CCDC88C: variants seen among roughly 807,000 people sequenced by gnomAD.
CCDC88C encodes the protein coiled-coil and HOOK domain protein 88C, also known as protein Daple.
CCDC88C carries 131 observed loss-of-function variants against 198.8 expected under a neutral mutation model. That is an observed-to-expected ratio of 0.66 (90% CI 0.57 to 0.76). CCDC88C has a LOEUF of 0.76. Among genes scored for constraint, CCDC88C ranks in the 30% least tolerant of loss-of-function variants. The pLI, the probability that CCDC88C is intolerant of heterozygous loss-of-function variation, is 0.00. For synonymous variants in CCDC88C, 1,166 were observed against 1,114.7 expected (o/e 1.05, Z -0.92); for missense variants, 2,553 against 2,631.6 (o/e 0.97, Z 0.65).
chr14:91,370,743 C>T (rs1894756519), intron 3 of CCDC88C, among the ~76,000 whole-genome samples: 1 of 152,124 alleles, frequency 6.6e-6, no homozygotes, highest in African/African-American at 2.4e-5. Flanking sequence ...GAAGGCGGGT[C>T]AGTAGGTGGA....
At chr14:91,376,615 G>A (rs1377573528) in intron 3 of CCDC88C, among the ~76,000 whole-genome samples, 5 of 152,216 alleles carry the variant, frequency 3.3e-5, no homozygotes. Flanking sequence ...CGGGAAGCCT[G>A]CAGCTGGGCA....
At chr14:91,384,203 G>A (rs1012469529) in intron 3 of CCDC88C, among the ~76,000 whole-genome samples, 1 of 152,008 alleles carries the variant, frequency 6.6e-6, no homozygotes, top group Non-Finnish European at 1.5e-5. Flanking sequence ...TTGGGAGGCT[G>A]AGGTGGGAGG....
chr14:91,291,737 T>A (rs1400058932), intron 23 of CCDC88C, among the ~76,000 whole-genome samples: 2 of 152,020 alleles, frequency 1.3e-5, no homozygotes, highest in Non-Finnish European at 2.9e-5. Context: ...AGATACCAGA[T>A]GCCCAGATGA....
chr14:91,389,191 G>T (rs1268408303), intron 3 of CCDC88C, among the ~76,000 whole-genome samples: 5 of 152,162 alleles, frequency 3.3e-5, no homozygotes, highest in African/African-American at 1.2e-4. Flanking sequence ...TGGAGTGGGG[G>T]TAGTTTACAA....
chr14:91,366,153 TACACACACACACACACACACAC>T (rs57281083), intron 3 of CCDC88C, among the ~76,000 whole-genome samples: 164 of 136,466 alleles, frequency 1.2e-3, no homozygotes, highest in Middle Eastern at 7.2e-3. Context: ...ACTTAAAAAA[TACACACACACACACACACACAC>T]ACACACACAC....
At chr14:91,372,434 C>G (rs11624569) in intron 3 of CCDC88C, among the ~76,000 whole-genome samples, 1 of 149,558 alleles carries the variant, frequency 6.7e-6, no homozygotes, top group Non-Finnish European at 1.5e-5. Context: ...CAGAGGAGAG[C>G]GGGGAATCCA....
chr14:91,362,560 A>C (rs1027879496), intron 3 of CCDC88C, among the ~76,000 whole-genome samples: 3 of 152,244 alleles, frequency 2.0e-5, no homozygotes, highest in Non-Finnish European at 4.4e-5. Flanking sequence ...TCTCCTTCCA[A>C]AACAGGATGT....
chr14:91,296,030 A>T (rs1890987407), intron 22 of CCDC88C, among the ~76,000 whole-genome samples: 2 of 152,198 alleles, frequency 1.3e-5, no homozygotes, highest in South Asian at 2.1e-4. Context: ...CGGTTCACGG[A>T]TCATGGACGT....
At chr14:91,299,426 G>A (rs576858073) in intron 21 of CCDC88C, among the ~76,000 whole-genome samples, 1 of 152,322 alleles carries the variant, frequency 6.6e-6, no homozygotes, top group East Asian at 1.9e-4. Context: ...AAACAAGAAG[G>A]CAGCGTGCTG....
intron 12 of CCDC88C, among the ~76,000 whole-genome samples, chr14:91,324,470 T>C (rs1705549712): frequency 6.6e-6 from 1 of 152,258 alleles, no homozygotes. Flanking sequence ...CATCCACAGA[T>C]GGCCTCAGAG....
At position 91,277,950 on chromosome 14, in the gene CCDC88C, T is replaced by C. The variant is rs1467591497; in HGVS notation, c.5030A>G (p.Glu1677Gly). 4.6e-6 allele frequency: 7 copies of C among 1,530,240 alleles called. No individual in the cohort carries two copies. Among genetic ancestry groups the C allele is most frequent in the African/African-American group, 1.4e-5 (1 of 72,814 alleles). The allele number at this position is 1,530,240 out of a possible 1,614,324, so 94.8% of individuals were successfully genotyped here. ...SEMVTLEEFL[E>G]ESNRSSPTHD... Reference sequence around the variant, plus strand: ...GGTGGGGGAGCTGCGGTTGCTCTCCTCCAGGAACTCCTCCAAGGTGACCAT... The same window carrying C: ...GGTGGGGGAGCTGCGGTTGCTCTCCCCCAGGAACTCCTCCAAGGTGACCAT... The change falls in exon 29 of 30, where the codon GAG becomes GGG. Residue 1677 changes from glutamate to glycine, a missense_variant. Coordinates refer to ENST00000389857, the MANE Select transcript of CCDC88C (RefSeq NM_001080414.4).
At position 91,338,818 on chromosome 14, in the gene CCDC88C, G is replaced by A. The variant is rs979783130; in HGVS notation, c.810-248C>T. On this transcript the variant is annotated intron_variant, in intron 8 of 29. Transcript: ENST00000389857. This position sits in a 1 kb window ranked among gnomAD's most constrained non-coding sequence, Gnocchi z 4.8. ...ACTCAGGTCTCCCTCCCTGTGTGTG[G>A]GGCAGGTAAGGAGACCCCAGCGGCA... is the stretch of plus-strand genomic sequence containing the variant. 2 of 528,562 alleles carry A rather than the reference G, an allele frequency of 3.8e-6. No individual in the cohort carries two copies. Among genetic ancestry groups the A allele is most frequent in the African/African-American group, 1.9e-5 (1 of 52,316 alleles). The allele number at this position is 528,562 out of a possible 1,614,324, so 32.7% of individuals were successfully genotyped here.
At chr14:91,315,920 A>G (rs543379087) in intron 13 of CCDC88C, 133 bp from the exon 14 acceptor site, 1 of 870,588 alleles carries the variant, frequency 1.1e-6, no homozygotes, top group Admixed American at 2.6e-5. Flanking sequence ...TCCTGACATC[A>G]TTCTGTAGCA....
At chr14:91,297,810 A>G (rs1891078630) in intron 21 of CCDC88C, among the ~76,000 whole-genome samples, 1 of 152,172 alleles carries the variant, frequency 6.6e-6, no homozygotes, top group Non-Finnish European at 1.5e-5. Flanking sequence ...CTTCCATGCT[A>G]CAGCTTTGGT....
rs78676052 is a variant in CCDC88C at position 91,387,286 on chromosome 14, C to T, written c.270+21373G>A. Among the ~76,000 whole-genome samples, 1,498 of 152,294 alleles carry T rather than the reference C, an allele frequency of 9.8e-3. 30 individuals carry two copies. Among genetic ancestry groups the T allele is most frequent in the African/African-American group, 0.035 (1,441 of 41,538 alleles). Reference sequence around the variant, plus strand: ...GCTGTGTTACTGAACCTCTCAGCTCCGTTCCCACAACCACAGAACCTCTAC... The same window carrying T: ...GCTGTGTTACTGAACCTCTCAGCTCTGTTCCCACAACCACAGAACCTCTAC... On this transcript the variant is annotated intron_variant, in intron 3 of 29. Transcript: ENST00000389857.
rs1253529075 is a variant in CCDC88C, at chr14:91,345,186, A to ATTTTTT, written c.341-1530_341-1529insAAAAAA. ...TCAATTTATATATATATATATATAT[A>ATTTTTT]TATATTTTTTTTTTTTTTTTTTTTG... On this transcript the variant is annotated intron_variant, in intron 4 of 29. Coordinates refer to ENST00000389857, the MANE Select transcript of CCDC88C (RefSeq NM_001080414.4). Among the ~76,000 whole-genome samples the ATTTTTT allele has an allele frequency of 4.1e-4, 30 of 72,458 alleles. 1 individual carries two copies. The highest frequency in any genetic ancestry group is 1.4e-3 in the South Asian group (3 of 2,168). The allele number at this position is 72,458 out of a possible 152,430, so 47.5% of individuals were successfully genotyped here.
chr14:91,356,781 A>G (rs540146740), intron 4 of CCDC88C, among the ~76,000 whole-genome samples: 2 of 152,156 alleles, frequency 1.3e-5, no homozygotes, highest in East Asian at 1.9e-4. Flanking sequence ...TTCTCTGCCC[A>G]TGGACAATCT....
chr14:91,309,157 A>AGGT (rs1891692557), intron 16 of CCDC88C, among the ~76,000 whole-genome samples: 1 of 152,160 alleles, frequency 6.6e-6, no homozygotes, highest in South Asian at 2.1e-4. Flanking sequence ...TAAAACCAGG[A>AGGT]GGCGGAGGTT....
At position 91,417,766 on chromosome 14, in the gene CCDC88C, C is replaced by A; in HGVS notation, c.-76G>T. 8.9e-7 allele frequency: 1 copy of A among 1,129,182 alleles called. No individual in the cohort carries two copies. 69.9% of individuals were successfully genotyped at this position (1,129,182 alleles called of 1,614,324 possible). ...CCCCGCGCCGCGGCACAAAACGGCTCCGCAGCGAGCAGCGGGCGCGGGGCT... is the reference window on the plus strand; with the variant it reads ...CCCCGCGCCGCGGCACAAAACGGCTACGCAGCGAGCAGCGGGCGCGGGGCT... On this transcript the variant is annotated 5_prime_UTR_variant, in exon 1 of 30. Coordinates refer to ENST00000389857, the MANE Select transcript of CCDC88C (RefSeq NM_001080414.4).
Sources: gnomAD v4.1 joint callset for allele counts (sites outside exome capture counted in the v4.1 genomes callset) on GRCh38, gnomAD v4.1.1 for gene constraint, Gnocchi (gnomAD v3.1) non-coding constraint, MANE v1.5 for transcripts, NCBI Gene and HGNC (gene_info 2026-07-23, HGNC 2026-07-21) for gene names.